Variants in GGTLC2 observed in about 807,000 individuals in gnomAD.
The protein encoded by GGTLC2 is glutathione hydrolase light chain 2.
Under a neutral mutation model 20.2 loss-of-function variants are expected in GGTLC2, and 13 were observed. The ratio of observed to expected loss-of-function variants is 0.64; its 90% CI spans 0.42 to 1.02. The LOEUF (loss-of-function observed/expected upper bound fraction) is 1.02, where lower values mean the gene tolerates loss of function less well. Ranked by LOEUF, GGTLC2 falls within the 50% of genes least tolerant of loss-of-function variation. The pLI is 0.00. For synonymous variants in GGTLC2, 89 were observed against 125.5 expected (o/e 0.71, Z 1.94); for missense variants, 202 against 301.3 (o/e 0.67, Z 2.44).
At position 22,646,969 on chromosome 22, in the gene GGTLC2, C is replaced by T; in HGVS notation, c.305-14C>T. The T allele has an allele frequency of 1.2e-6, 2 of 1,611,680 alleles. No individual in the cohort carries two copies. The highest frequency in any genetic ancestry group is 1.1e-5 in the South Asian group (1 of 90,986). The stretch of plus-strand genomic sequence containing the variant: ...CAGCTGACGGGCATCCCTGTCTTCT[C>T]CCATCGGCCACAGGGAAGCAGCCGC... On this transcript the variant is annotated splice_polypyrimidine_tract_variant and intron_variant, in intron 3 of 5. Transcript: ENST00000448514.
intron 1 of GGTLC2, among the ~76,000 whole-genome samples, chr22:22,645,248 G>A (rs1046219906): frequency 2.6e-5 from 4 of 150,986 alleles, no homozygotes; most frequent in African/African-American, 7.3e-5. Context: ...TTCGGCCTTC[G>A]GGTCCATCCT....
intron 5 of GGTLC2, 116 bp downstream of exon 5, chr22:22,647,406 G>A (rs1440674320): frequency 3.6e-5 from 56 of 1,546,654 alleles, no homozygotes; most frequent in Non-Finnish European, 4.5e-5. Flanking sequence ...TAGTGCCTGG[G>A]CCATCTGGAG....
At chr22:22,645,489 C>CT (rs2064035656) in intron 1 of GGTLC2, among the ~76,000 whole-genome samples, 1 of 150,262 alleles carries the variant, frequency 6.7e-6, no homozygotes, top group Admixed American at 6.7e-5. Flanking sequence ...AAACCTGCCC[C>CT]TTCTGCAGGG....
chr22:22,645,765 C>T (rs1283901210), intron 1 of GGTLC2, among the ~76,000 whole-genome samples: 3 of 151,422 alleles, frequency 2.0e-5, no homozygotes, highest in African/African-American at 7.3e-5. Context: ...CTCTTCTCCC[C>T]ACCCCACTCC....
At position 22,646,785 on chromosome 22, in the gene GGTLC2, G is replaced by A. The variant is rs761423592; in HGVS notation, c.208G>A (p.Glu70Lys). 28 of 1,608,878 alleles carry A rather than the reference G, an allele frequency of 1.7e-5. No homozygotes were observed. The East Asian group carries it at 2.0e-4, about 12-fold the overall frequency. ...FGSKVRSPVS[E>K]ILFNDEMDDF... ...CTCCAAGGTCCGCTCCCCGGTCAGC[G>A]AGATCCTGTTCAATGATGAAATGGA... is the stretch of plus-strand genomic sequence containing the variant. Residue 70 changes from glutamate (E) to lysine (K), a missense_variant, in exon 3 of 6, where the codon GAG becomes AAG. Glu to Lys is a moderately conservative substitution (Grantham distance 56). Coordinates refer to ENST00000448514, the MANE Select transcript of GGTLC2 (RefSeq NM_199127.3).
At chr22:22,646,091 A>G (rs199840223) in intron 1 of GGTLC2, 35,423 of 1,337,892 alleles carry the variant, frequency 0.026, 718 homozygotes, top group Non-Finnish European at 0.031. Flanking sequence ...GATTGAATGC[A>G]GCAAGGGTCT....
Position 22,647,124 on chromosome 22 carries a change from G to T in GGTLC2, c.361-17G>T. 1.9e-6 allele frequency: 3 copies of T among 1,611,546 alleles called. No homozygotes were observed. The highest frequency in any genetic ancestry group is 1.1e-5 in the South Asian group (1 of 90,942). ...TGTGTCACCCCTTTTCTCCCTGGCC[G>T]TGCCCACCCTGCACAGCCCCCAAGC... On this transcript the variant is annotated splice_polypyrimidine_tract_variant and intron_variant, in intron 4 of 5. Coordinates refer to ENST00000448514, the MANE Select transcript of GGTLC2 (RefSeq NM_199127.3).
At chr22:22,644,930 G>GCCCAGGCTGTCC (rs936896800) in intron 1 of GGTLC2, among the ~76,000 whole-genome samples, 5 of 95,430 alleles carry the variant, frequency 5.2e-5, no homozygotes, top group Non-Finnish European at 9.1e-5. Flanking sequence ...TCCCTCTGTC[G>GCCCAGGCTGTCC]CCCAGGCTGG....
chr22:22,646,906 G>A (rs770687627), intron 3 of GGTLC2, 25 bp downstream of exon 3: 1 of 1,612,824 alleles, frequency 6.2e-7, no homozygotes, highest in Admixed American at 1.7e-5. Flanking sequence ...TCTGGGGATG[G>A]GGGACTGGGG....
intron 1 of GGTLC2, among the ~76,000 whole-genome samples, chr22:22,645,505 C>T (rs2064036669): frequency 6.6e-6 from 1 of 150,778 alleles, no homozygotes; most frequent in African/African-American, 2.4e-5. Context: ...CAGGGTTTAC[C>T]TCGCTAGTCG....
In GGTLC2 at chr22:22,646,992, C is replaced by G. The variant is rs370269377; in HGVS notation, c.314C>G (p.Pro105Arg). The change falls in exon 4 of 6, where the codon CCG becomes CGG. Residue 105 changes from proline to arginine, a missense_variant. Physicochemically the swap from Pro to Arg is moderately radical, Grantham distance 103. This residue lies in a region of GGTLC2 where 71 missense variants were observed against 63.0 expected (regional missense o/e 1.13). Transcript: ENST00000448514. ...PANFIQPGKQ[P>R]LSSMCPTIMV... ...CTCCCATCGGCCACAGGGAAGCAGCCGCTCTCGTCAATGTGCCCGACGATC... is the reference window on the plus strand; with the variant it reads ...CTCCCATCGGCCACAGGGAAGCAGCGGCTCTCGTCAATGTGCCCGACGATC... 2.4e-5 allele frequency: 39 copies of G among 1,611,654 alleles called. No homozygotes were observed. The South Asian group carries it at 3.2e-4, about 13-fold the overall frequency.
rs555511228 is a variant in GGTLC2 at position 22,647,284 on chromosome 22, T to G, written c.504T>G (p.Ile168Met). The G allele has an allele frequency of 1.2e-5, 19 of 1,610,480 alleles. No individual in the cohort carries two copies. Among genetic ancestry groups the G allele is most frequent in the Non-Finnish European group, 1.6e-5 (19 of 1,179,156 alleles). The change falls in exon 5 of 6, where the codon ATT (isoleucine) becomes ATG (methionine). Residue 168 changes from isoleucine (I) to methionine (M), a missense_variant. Physicochemically the swap from Ile to Met is conservative, Grantham distance 10 (BLOSUM62 1). Around this residue, in one of 4 missense-constraint regions of GGTLC2, gnomAD observed 65 missense variants for 87.5 expected, o/e 0.74. Transcript: ENST00000448514. ...ACGTCACGACAGTGGAGAGAAACATTGACCAGGTGGGCCGGGGGTTGGAGA... is the reference window on the plus strand; with the variant it reads ...ACGTCACGACAGTGGAGAGAAACATGGACCAGGTGGGCCGGGGGTTGGAGA... Reference protein sequence around the residue: ...LPNVTTVERNIDQAVTAALET... With the variant: ...LPNVTTVERNMDQAVTAALET...
At chr22:22,647,520 G>A in intron 5 of GGTLC2, 75 bp from the exon 6 acceptor site, 4 of 1,603,406 alleles carry the variant, frequency 2.5e-6, no homozygotes, top group Non-Finnish European at 3.4e-6. Context: ...CTGGGCTGAG[G>A]CCTGTGACCA....
In GGTLC2 at chr22:22,647,564, G is replaced by C. The variant is rs1569289415; in HGVS notation, c.511-31G>C. On this transcript the variant is annotated intron_variant, in intron 5 of 5. Transcript: ENST00000448514. ...TGGTTCAGGTGGCATCTGGAGCCCT[G>C]CTCAGGCTTCCCCTCTCCTCCCACC... The C allele has an allele frequency of 6.9e-6, 11 of 1,595,512 alleles. No individual in the cohort carries two copies. In the East Asian group the frequency reaches 2.5e-4, roughly 36 times the overall value.
At position 22,645,018 on chromosome 22, in the gene GGTLC2, G is replaced by A. The variant is rs1394582829; in HGVS notation, c.-35+310G>A. 5.3e-4 allele frequency among the ~76,000 whole-genome samples: 74 copies of A among 138,786 alleles called. No homozygotes were observed. In the South Asian group the frequency reaches 0.011, roughly 21 times the overall value. The allele number at this position is 138,786 out of a possible 152,430, so 91.0% of individuals were successfully genotyped here. A position where few individuals can be genotyped will look rare whatever the true frequency, so the allele number is the denominator to read the frequency against. On this transcript the variant is annotated intron_variant, in intron 1 of 5. Coordinates refer to ENST00000448514, the MANE Select transcript of GGTLC2 (RefSeq NM_199127.3). ...CGCCATTCTCCTGCCTCAGCCTCTG[G>A]AGTAGTTGGGACTACAGGCGCCCGC...
Position 22,647,825 on chromosome 22 carries a change from T to A in GGTLC2, c.*84T>A. On this transcript the variant is annotated 3_prime_UTR_variant, in exon 6 of 6. Transcript: ENST00000448514. ...GGAAGGGGACTCTGGGGGACTGGCTTCCCCTGTGAGCAGCAGAGCAGCACA... is the reference window on the plus strand; with the variant it reads ...GGAAGGGGACTCTGGGGGACTGGCTACCCCTGTGAGCAGCAGAGCAGCACA... 6.3e-7 allele frequency: 1 copy of A among 1,595,120 alleles called. No individual in the cohort carries two copies. The highest frequency in any genetic ancestry group is 2.3e-5 in the East Asian group (1 of 44,290).
chr22:22,646,746 G>A lies in GGTLC2; in HGVS notation c.177-8G>A. On this transcript the variant is annotated splice_polypyrimidine_tract_variant and splice_region_variant and intron_variant, in intron 2 of 5. Coordinates refer to ENST00000448514, the MANE Select transcript of GGTLC2 (RefSeq NM_199127.3). ...GGTCAGGTGCTGTCTGACCTGGCTG[G>A]GCGGTAGCTTTGGCTCCAAGGTCCG... is the stretch of plus-strand genomic sequence containing the variant. The A allele has an allele frequency of 1.2e-6, 2 of 1,609,078 alleles. No homozygotes were observed. Among genetic ancestry groups the A allele is most frequent in the Non-Finnish European group, 1.7e-6 (2 of 1,177,744 alleles).
chr22:22,647,535 G>C, intron 5 of GGTLC2, 60 bp from the exon 6 acceptor site: 1 of 1,607,234 alleles, frequency 6.2e-7, no homozygotes, highest in African/African-American at 1.3e-5. Flanking sequence ...TGACCACACA[G>C]GTGTGGTTCA....
At chr22:22,645,969 G>A (rs2064063575) in intron 1 of GGTLC2, 2 of 363,866 alleles carry the variant, frequency 5.5e-6, no homozygotes, top group Non-Finnish European at 5.1e-6. Flanking sequence ...CCCTGTGTGT[G>A]TTTGTTTTTC....
Sources: gnomAD v4.1 joint callset for allele counts (sites outside exome capture counted in the v4.1 genomes callset) on GRCh38, gnomAD v4.1.1 for gene constraint, gnomAD v4.1.1 regional missense constraint, MANE v1.5 for transcripts, NCBI Gene and HGNC (gene_info 2026-07-23, HGNC 2026-07-21) for gene names.